TNC: variants seen among roughly 807,000 people sequenced by gnomAD.
The protein encoded by TNC is tenascin.
Under a neutral mutation model 202.4 loss-of-function variants are expected in TNC, and 109 were observed. The observed-to-expected ratio is 0.54, with a 90% CI of 0.46 to 0.63. The LOEUF (loss-of-function observed/expected upper bound fraction) is 0.63. Ranked by LOEUF, TNC falls within the 30% of genes least tolerant of loss-of-function variation. The pLI, the probability that TNC is intolerant of heterozygous loss-of-function variation, is 0.00. For synonymous variants in TNC, 1,007 were observed against 1,089.7 expected (o/e 0.92, Z 1.50); for missense variants, 2,756 against 2,833.3 (o/e 0.97, Z 0.62).
intron 23 of TNC, among the ~76,000 whole-genome samples, chr9:115,031,137 C>G (rs1331829549): frequency 6.6e-6 from 1 of 152,214 alleles, no homozygotes; most frequent in Non-Finnish European, 1.5e-5. Flanking sequence ...ACTTTCAGCT[C>G]ATGTTGAACT....
intron 1 of TNC, among the ~76,000 whole-genome samples, chr9:115,092,569 A>G (rs114260540): frequency 0.01 from 1,523 of 152,040 alleles, 23 homozygotes; most frequent in African/African-American, 0.035. Context: ...TTGAAGAGCT[A>G]TTTTATTTAT....
At chr9:115,104,868 A>G (rs1836494024) in intron 1 of TNC, among the ~76,000 whole-genome samples, 1 of 152,210 alleles carries the variant, frequency 6.6e-6, no homozygotes. Context: ...GCCTTGAGAA[A>G]GATTCTGTGG....
intron 14 of TNC, among the ~76,000 whole-genome samples, chr9:115,059,127 T>G (rs1832352054): frequency 6.6e-6 from 1 of 152,234 alleles, no homozygotes; most frequent in Non-Finnish European, 1.5e-5. Context: ...TAATTTCTTT[T>G]TTTTTCCTTC....
chr9:115,067,441 T>A (rs943659287), intron 10 of TNC, among the ~76,000 whole-genome samples: 4 of 152,234 alleles, frequency 2.6e-5, no homozygotes, highest in Non-Finnish European at 4.4e-5. Flanking sequence ...TCTACGGGTG[T>A]CTATCTTTTA....
chr9:115,081,872 G>A lies in TNC; in HGVS notation c.2304C>T (p.Tyr768=), dbSNP rs772406666. ...GCCCAGGAGCTAGACCAGTTTGCCG[G>A]TAAGAGGTCTCTGGCCTCCTCAGGC... ...TKSLRRPETS[Y]RQTGLAPGQE... Residue 768 remains tyrosine (Y), a synonymous_variant, in exon 6 of 28, where the codon TAC becomes TAT. Coordinates refer to ENST00000350763, the MANE Select transcript of TNC (RefSeq NM_002160.4). The A allele has an allele frequency of 2.5e-6, 4 of 1,602,412 alleles. No individual in the cohort carries two copies. Among genetic ancestry groups the A allele is most frequent in the Non-Finnish European group, 1.7e-6 (2 of 1,177,118 alleles).
chr9:115,089,651 C>G (rs1171513460), intron 2 of TNC, among the ~76,000 whole-genome samples: 2 of 152,176 alleles, frequency 1.3e-5, no homozygotes, highest in Non-Finnish European at 2.9e-5. Flanking sequence ...CAGGCATGCA[C>G]CACCACACCC....
At chr9:115,089,903 A>G (rs906343423) in intron 2 of TNC, among the ~76,000 whole-genome samples, 1 of 152,198 alleles carries the variant, frequency 6.6e-6, no homozygotes, top group Non-Finnish European at 1.5e-5. Context: ...TCTTCCCCTC[A>G]TCTAATCTTT....
intron 22 of TNC, among the ~76,000 whole-genome samples, chr9:115,034,563 A>G (rs1324142990): frequency 6.6e-6 from 1 of 152,246 alleles, no homozygotes; most frequent in Admixed American, 6.5e-5. Context: ...AGATGATGAT[A>G]TAGGAAGCAC....
In TNC at chr9:115,086,515, G is replaced by C; in HGVS notation, c.1216C>G (p.Leu406Val). ...CCACTGCAGCCATTGGGACACTTGA[G>C]CTCCCCACAGTCAGCTCCAGTGAAA... The part of the protein sequence containing the change: ...DGFTGADCGE[L>V]KCPNGCSGHG... Residue 406 changes from leucine (L) to valine (V), a missense_variant, in exon 3 of 28, where the codon CTC (leucine) becomes GTC (valine). Leu to Val is a conservative substitution (Grantham distance 32, BLOSUM62 1). Coordinates refer to ENST00000350763, the MANE Select transcript of TNC (RefSeq NM_002160.4). 1 of 1,613,762 alleles carries C rather than the reference G, an allele frequency of 6.2e-7. No homozygotes were observed. Among genetic ancestry groups the C allele is most frequent in the Non-Finnish European group, 8.5e-7 (1 of 1,180,002 alleles).
intron 1 of TNC, among the ~76,000 whole-genome samples, chr9:115,099,136 A>G (rs987153902): frequency 2.6e-5 from 4 of 152,134 alleles, no homozygotes; most frequent in African/African-American, 7.2e-5. Flanking sequence ...GTGCCCAGTT[A>G]AGATGCTGGG....
chr9:115,080,677 G>A (rs1436006832), intron 6 of TNC, among the ~76,000 whole-genome samples: 6 of 152,082 alleles, frequency 3.9e-5, no homozygotes, highest in Admixed American at 6.5e-5. Context: ...TTAGGAGGCC[G>A]AGGCGGGTGG....
chr9:115,068,445 G>C (rs558427117), intron 10 of TNC, among the ~76,000 whole-genome samples: 1 of 152,292 alleles, frequency 6.6e-6, no homozygotes, highest in Non-Finnish European at 1.5e-5. Context: ...ACTCACTTCA[G>C]CGTCCACTTA....
chr9:115,064,800 T>G lies in TNC; in HGVS notation c.3334A>C (p.Asn1112His). The change falls in exon 11 of 28, where the codon AAC (asparagine) becomes CAC (histidine). Residue 1112 changes from asparagine (N) to histidine (H), a missense_variant. By Grantham distance (68) the Asn-to-His change is moderately conservative. This residue lies in a region of TNC where 2,559 missense variants were observed against 2,546.0 expected (regional missense o/e 1.01). Coordinates refer to ENST00000350763, the MANE Select transcript of TNC (RefSeq NM_002160.4). ...EHFIIQVQEA[N>H]KVEAARNLTV... Reference sequence around the variant, plus strand: ...AGGTTCCGAGCTGCCTCCACCTTGTTGGCCTCCTGCACCTGAATGATAAAG... The same window carrying G: ...AGGTTCCGAGCTGCCTCCACCTTGTGGGCCTCCTGCACCTGAATGATAAAG... The G allele has an allele frequency of 6.2e-7, 1 of 1,614,132 alleles. No individual in the cohort carries two copies. Among genetic ancestry groups the G allele is most frequent in the Middle Eastern group, 1.6e-4 (1 of 6,062 alleles).
intron 18 of TNC, among the ~76,000 whole-genome samples, chr9:115,041,304 AG>A (rs1236922141): frequency 4.0e-4 from 43 of 106,926 alleles, no homozygotes; most frequent in Non-Finnish European, 1.7e-4. Flanking sequence ...CAAAGCCAGG[AG>A]GGGCGGGGGA....
chr9:115,020,871 TAAGAG>T lies in TNC; in HGVS notation c.*281_*285del, dbSNP rs1353102837. On this transcript the variant is annotated 3_prime_UTR_variant, in exon 28 of 28. Coordinates refer to ENST00000350763, the MANE Select transcript of TNC (RefSeq NM_002160.4). ...CCCCTCTCCCATTCCCAGAGCCACCTAAGAGAAGTAAAAAACTATTGCGATGTTGT... is the reference window on the plus strand; with the variant it reads ...CCCCTCTCCCATTCCCAGAGCCACCTAAGTAAAAAACTATTGCGATGTTGT... 81 of 385,656 alleles carry T rather than the reference TAAGAG, an allele frequency of 2.1e-4. No homozygotes were observed. In the East Asian group the frequency reaches 3.9e-3, roughly 19 times the overall value. 23.9% of individuals were successfully genotyped at this position (385,656 alleles called of 1,614,324 possible).
At chr9:115,034,216 A>G (rs1830149867) in intron 22 of TNC, among the ~76,000 whole-genome samples, 1 of 152,182 alleles carries the variant, frequency 6.6e-6, no homozygotes, top group Non-Finnish European at 1.5e-5. Context: ...TGGAAACATA[A>G]TAAGATGAAA....
At position 115,063,873 on chromosome 9, in the gene TNC, G is replaced by A. The variant is rs141044950; in HGVS notation, c.3683C>T (p.Ala1228Val). 4 of 1,614,066 alleles carry A rather than the reference G, an allele frequency of 2.5e-6. No homozygotes were observed. In the African/African-American group the frequency reaches 5.3e-5, roughly 22 times the overall value. The change falls in exon 12 of 28, where the codon GCC becomes GTC. Residue 1228 changes from alanine (A) to valine (V), a missense_variant. Coordinates refer to ENST00000350763, the MANE Select transcript of TNC (RefSeq NM_002160.4). ...GCGGATGGTGATGGTATAATGAGTGGCTGCTTTGAGCCCAGGCAGGTCTGT... is the reference window on the plus strand; with the variant it reads ...GCGGATGGTGATGGTATAATGAGTGACTGCTTTGAGCCCAGGCAGGTCTGT... ...RSTDLPGLKAATHYTITIRGV... is the reference protein window; with the variant it reads ...RSTDLPGLKAVTHYTITIRGV...
At chr9:115,052,023 T>TATAG (rs3035494) in intron 15 of TNC, among the ~76,000 whole-genome samples, 112,088 of 149,560 alleles carry the variant, frequency 0.75, 42,651 homozygotes, top group African/African-American at 0.86. Flanking sequence ...AAATGTGGTG[T>TATAG]ATAGATAGAT....
At chr9:115,077,599 G>A (rs1314526666) in intron 7 of TNC, among the ~76,000 whole-genome samples, 5 of 152,226 alleles carry the variant, frequency 3.3e-5, no homozygotes, top group African/African-American at 1.2e-4. Context: ...GTAGGCTAAA[G>A]TGTTAGGAGG....
Sources: gnomAD v4.1 joint callset for allele counts (sites outside exome capture counted in the v4.1 genomes callset) on GRCh38, gnomAD v4.1.1 for gene constraint, gnomAD v4.1.1 regional missense constraint, MANE v1.5 for transcripts, NCBI Gene and HGNC (gene_info 2026-07-23, HGNC 2026-07-21) for gene names.